SH3GL2: variants seen among roughly 807,000 people sequenced by gnomAD.
The protein encoded by SH3GL2 is SH3 domain containing GRB2 like 2, endophilin A1, also known as endophilin-A1.
In SH3GL2, 24 loss-of-function variants were observed where a neutral mutation model predicts 46.0. The ratio of observed to expected loss-of-function variants is 0.52; its 90% CI spans 0.38 to 0.73. SH3GL2 has a LOEUF of 0.73. Ranked by LOEUF, SH3GL2 falls within the 30% of genes least tolerant of loss-of-function variation. SH3GL2 has a pLI of 0.00. For missense variants in SH3GL2, 413 were observed against 424.2 expected, an observed-to-expected ratio of 0.97 and a Z score of 0.23; for synonymous variants, 196 against 147.1, an observed-to-expected ratio of 1.33 and a Z score of -2.40.
At chr9:17,742,215 G>A (rs1231148838) in intron 1 of SH3GL2, among the ~76,000 whole-genome samples, 2 of 152,180 alleles carry the variant, frequency 1.3e-5, no homozygotes, top group African/African-American at 4.8e-5. Flanking sequence ...TAAGCATTTA[G>A]TAAATGAAAT....
At chr9:17,664,534 G>A (rs1237162137) in intron 1 of SH3GL2, among the ~76,000 whole-genome samples, 1 of 151,956 alleles carries the variant, frequency 6.6e-6, no homozygotes, top group African/African-American at 2.4e-5. Flanking sequence ...TTTGAAAAAG[G>A]CAAGTTTTTC....
At chr9:17,771,771 CT>C (rs1823487612) in intron 3 of SH3GL2, among the ~76,000 whole-genome samples, 1 of 152,116 alleles carries the variant, frequency 6.6e-6, no homozygotes, top group African/African-American at 2.4e-5. Context: ...CTTAATATCC[CT>C]CCCTGCTGTT....
At chr9:17,581,080 A>G (rs550173534) in intron 1 of SH3GL2, among the ~76,000 whole-genome samples, 4 of 152,212 alleles carry the variant, frequency 2.6e-5, no homozygotes, top group South Asian at 2.1e-4. Flanking sequence ...ACACACGTAT[A>G]AAGTGTTCAA....
intron 1 of SH3GL2, chr9:17,591,127 A>G (rs962927582): frequency 6.6e-6 from 1 of 152,208 alleles, no homozygotes; most frequent in Admixed American, 6.5e-5. Context: ...CATGTAAAGC[A>G]TTTTGATACA....
At chr9:17,611,326 CT>C (rs1270141330) in intron 1 of SH3GL2, among the ~76,000 whole-genome samples, 1 of 150,342 alleles carries the variant, frequency 6.7e-6, no homozygotes, top group East Asian at 1.9e-4. Context: ...ATTTTGGTTT[CT>C]TTTTTTTTCA....
At chr9:17,760,288 C>T (rs1486218107) in intron 2 of SH3GL2, among the ~76,000 whole-genome samples, 1 of 152,002 alleles carries the variant, frequency 6.6e-6, no homozygotes, top group African/African-American at 2.4e-5. Context: ...TAATAGCAAA[C>T]ACACACAGTA....
chr9:17,746,522 T>A (rs4506327), intron 1 of SH3GL2, among the ~76,000 whole-genome samples: 24,810 of 152,198 alleles, frequency 0.16, 2,558 homozygotes, highest in African/African-American at 0.27. Flanking sequence ...GCTTATGTAC[T>A]TAAGGATGTA....
rs562261821 is a variant in SH3GL2 at position 17,755,527 on chromosome 9, C to T, written c.115-5910C>T. On this transcript the variant is annotated intron_variant, in intron 2 of 8. Transcript: ENST00000380607. ...CTTTTTCCCAGGCTAGTCTTGAACT[C>T]CTGGCCTTAAGCAATCCTCCTATCT... 1.1e-4 allele frequency among the ~76,000 whole-genome samples: 16 copies of T among 152,236 alleles called. No individual in the cohort carries two copies. The South Asian group carries it at 3.3e-3, about 32-fold the overall frequency.
intron 3 of SH3GL2, among the ~76,000 whole-genome samples, chr9:17,775,743 C>T (rs1823623257): frequency 6.6e-6 from 1 of 152,170 alleles, no homozygotes; most frequent in Non-Finnish European, 1.5e-5. Flanking sequence ...TGTTTCATGT[C>T]TTTGGTCTTC....
intron 3 of SH3GL2, among the ~76,000 whole-genome samples, chr9:17,771,591 A>C (rs1823482799): frequency 6.6e-6 from 1 of 152,226 alleles, no homozygotes; most frequent in African/African-American, 2.4e-5. Flanking sequence ...TGTATTTTTC[A>C]GATTTCACAA....
chr9:17,661,653 A>G (rs1465693419), intron 1 of SH3GL2, among the ~76,000 whole-genome samples: 1 of 152,236 alleles, frequency 6.6e-6, no homozygotes, highest in African/African-American at 2.4e-5. Flanking sequence ...CTACATAAAT[A>G]AAACAAAACA....
In SH3GL2 at chr9:17,787,530, T is replaced by G. The variant is rs1215373107; in HGVS notation, c.465+17T>G. 1 of 1,606,702 alleles carries G rather than the reference T, an allele frequency of 6.2e-7. No individual in the cohort carries two copies. Among genetic ancestry groups the G allele is most frequent in the Middle Eastern group, 1.7e-4 (1 of 6,028 alleles). On this transcript the variant is annotated intron_variant, in intron 5 of 8. Coordinates refer to ENST00000380607, the MANE Select transcript of SH3GL2 (RefSeq NM_003026.5). ...GAAATTCAAGTATGTACAATGAGTC[T>G]TCTGGAAAGTGGGCAGTTGAAATCA...
intron 1 of SH3GL2, among the ~76,000 whole-genome samples, chr9:17,667,409 T>A (rs1031636117): frequency 5.3e-5 from 8 of 152,180 alleles, no homozygotes; most frequent in South Asian, 4.1e-4. Context: ...CACCATACTT[T>A]CAGTCTCTAG....
intron 3 of SH3GL2, among the ~76,000 whole-genome samples, chr9:17,782,251 T>G (rs921176711): frequency 2.6e-5 from 4 of 152,138 alleles, no homozygotes; most frequent in Non-Finnish European, 5.9e-5. Flanking sequence ...GACTCGTGAT[T>G]TGGTGTAGGA....
chr9:17,625,888 G>A (rs1266215212), intron 1 of SH3GL2, among the ~76,000 whole-genome samples: 2 of 152,196 alleles, frequency 1.3e-5, no homozygotes, highest in Admixed American at 1.3e-4. Context: ...GTCCCAGGAG[G>A]TATGTCTTAA....
chr9:17,664,452 T>G (rs1820295460), intron 1 of SH3GL2, among the ~76,000 whole-genome samples: 1 of 152,130 alleles, frequency 6.6e-6, no homozygotes, highest in African/African-American at 2.4e-5. Flanking sequence ...CCTCTTTGCC[T>G]TAGTTTTTTG....
chr9:17,613,168 A>C (rs752133707), intron 1 of SH3GL2, among the ~76,000 whole-genome samples: 2 of 152,204 alleles, frequency 1.3e-5, no homozygotes, highest in Non-Finnish European at 2.9e-5. Flanking sequence ...TAGTGTGACC[A>C]TTGCTTTTCT....
intron 3 of SH3GL2, among the ~76,000 whole-genome samples, chr9:17,767,152 A>C (rs1247883328): frequency 6.6e-6 from 1 of 152,220 alleles, no homozygotes; most frequent in African/African-American, 2.4e-5. Flanking sequence ...TGTTGTACAC[A>C]GTAGGGGTTT....
chr9:17,618,367 A>C (rs3780244), intron 1 of SH3GL2, among the ~76,000 whole-genome samples: 3 of 151,970 alleles, frequency 2.0e-5, no homozygotes, highest in Admixed American at 2.0e-4. Context: ...AGAGTTAGGA[A>C]ATTGTTACTT....
Sources: allele counts gnomAD v4.1 joint callset (sites outside exome capture counted in the v4.1 genomes callset), GRCh38; gene constraint gnomAD v4.1.1; transcripts MANE v1.5; gene names NCBI Gene and HGNC (gene_info 2026-07-23, HGNC 2026-07-21).